FBXL17: variants seen among roughly 807,000 people sequenced by gnomAD.
The protein encoded by FBXL17 is F-box and leucine rich repeat protein 17.
In FBXL17, 22 loss-of-function variants were observed where a neutral mutation model predicts 66.2. The observed-to-expected ratio is 0.33, with a 90% CI of 0.24 to 0.47. The LOEUF (loss-of-function observed/expected upper bound fraction) is 0.47. Among genes scored for constraint, FBXL17 ranks in the 20% least tolerant of loss-of-function variants. The pLI, the probability that FBXL17 is intolerant of heterozygous loss-of-function variation, is 1.00. For missense variants in FBXL17, 878 were observed against 948.2 expected, an observed-to-expected ratio of 0.93 and a Z score of 0.97; for synonymous variants, 474 against 400.5, an observed-to-expected ratio of 1.18 and a Z score of -2.19.
chr5:107,881,693 C>T lies in FBXL17; in HGVS notation c.1823-514G>A, dbSNP rs532666335. 1.0e-3 allele frequency among the ~76,000 whole-genome samples: 157 copies of T among 152,218 alleles called. 1 individual carries two copies. Among genetic ancestry groups the T allele is most frequent in the African/African-American group, 3.5e-3 (146 of 41,532 alleles). ...GTATAAAATATTTTTCACATTAGCG[C>T]TTCTTGGGACTGTTAGGAATTAAGA... On this transcript the variant is annotated intron_variant, in intron 7 of 8. Coordinates refer to ENST00000542267, the MANE Select transcript of FBXL17 (RefSeq NM_001163315.3).
chr5:108,088,998 T>C (rs992027443), intron 6 of FBXL17, among the ~76,000 whole-genome samples: 2 of 152,224 alleles, frequency 1.3e-5, no homozygotes, highest in Non-Finnish European at 2.9e-5. Context: ...AGAATGGTGC[T>C]GCTATTCATC....
chr5:108,072,287 G>T (rs1748363767), intron 6 of FBXL17, among the ~76,000 whole-genome samples: 1 of 152,112 alleles, frequency 6.6e-6, no homozygotes, highest in Non-Finnish European at 1.5e-5. Context: ...TACCCAAAAA[G>T]CTCCTTATTA....
intron 7 of FBXL17, among the ~76,000 whole-genome samples, chr5:107,989,404 G>A (rs770061153): frequency 4.4e-4 from 67 of 152,032 alleles, no homozygotes; most frequent in Middle Eastern, 3.4e-3. Flanking sequence ...TCTGTGCCTG[G>A]TTTATTTCAC....
intron 7 of FBXL17, among the ~76,000 whole-genome samples, chr5:107,953,128 C>G (rs1437941307): frequency 1.3e-5 from 2 of 151,946 alleles, no homozygotes; most frequent in Non-Finnish European, 2.9e-5. Flanking sequence ...GTAGGCCGGG[C>G]GCTGTGGCTC....
chr5:108,090,959 C>T (rs1272790520), intron 6 of FBXL17, among the ~76,000 whole-genome samples: 1 of 152,112 alleles, frequency 6.6e-6, no homozygotes, highest in Non-Finnish European at 1.5e-5. Context: ...CTAAAATAAC[C>T]AATTATTTAA....
At chr5:108,044,489 A>C (rs891555125) in intron 6 of FBXL17, among the ~76,000 whole-genome samples, 2 of 152,148 alleles carry the variant, frequency 1.3e-5, no homozygotes, top group Non-Finnish European at 2.9e-5. Context: ...AATCCCGGGA[A>C]TAAATTCCAG....
At chr5:108,066,276 C>A (rs1170520136) in intron 6 of FBXL17, among the ~76,000 whole-genome samples, 1 of 152,036 alleles carries the variant, frequency 6.6e-6, no homozygotes, top group Admixed American at 6.6e-5. Flanking sequence ...AAAGAAAGGA[C>A]ATTTAAAATA....
At chr5:108,135,955 T>C (rs1346815960) in intron 6 of FBXL17, among the ~76,000 whole-genome samples, 2 of 152,136 alleles carry the variant, frequency 1.3e-5, no homozygotes, top group South Asian at 2.1e-4. Flanking sequence ...TAGTTTTTTA[T>C]GGGCCATGGC....
At chr5:108,149,638 C>T (rs1420280240) in intron 6 of FBXL17, among the ~76,000 whole-genome samples, 1 of 152,186 alleles carries the variant, frequency 6.6e-6, no homozygotes, top group Non-Finnish European at 1.5e-5. Flanking sequence ...GCTATCTTAA[C>T]CACCTTACAT....
chr5:108,286,444 T>A (rs1381072687), intron 4 of FBXL17, among the ~76,000 whole-genome samples: 1 of 151,898 alleles, frequency 6.6e-6, no homozygotes, highest in Non-Finnish European at 1.5e-5. Context: ...TGAGCAAAGT[T>A]TCAGGACACA....
Position 108,159,471 on chromosome 5 carries a change from C to T in FBXL17, c.1745+26646G>A, listed in dbSNP as rs372373062. ...TTGGGAAGTGATTGGTCAGAGGCAGCGTCCTTCTGAATGGAATTCACTACC... is the reference window on the plus strand; with the variant it reads ...TTGGGAAGTGATTGGTCAGAGGCAGTGTCCTTCTGAATGGAATTCACTACC... On this transcript the variant is annotated intron_variant, in intron 6 of 8. Transcript: ENST00000542267. Among the ~76,000 whole-genome samples, 4 of 152,236 alleles carry T rather than the reference C, an allele frequency of 2.6e-5. No homozygotes were observed. The East Asian group carries it at 7.7e-4, about 29-fold the overall frequency.
At chr5:108,097,102 T>C (rs560272700) in intron 6 of FBXL17, among the ~76,000 whole-genome samples, 4 of 152,262 alleles carry the variant, frequency 2.6e-5, no homozygotes, top group South Asian at 4.2e-4. Context: ...GGGCAGTTTC[T>C]CCCATGCTGT....
chr5:107,880,946 G>A, intron 8 of FBXL17, 91 bp downstream of exon 8: 1 of 1,605,638 alleles, frequency 6.2e-7, no homozygotes, highest in Non-Finnish European at 8.5e-7. Flanking sequence ...TAATACACGG[G>A]GGTGGAGATA....
At chr5:108,353,396 T>C (rs1299599074) in intron 3 of FBXL17, among the ~76,000 whole-genome samples, 2 of 152,178 alleles carry the variant, frequency 1.3e-5, no homozygotes, top group Admixed American at 6.5e-5. Flanking sequence ...TGGATAAGTC[T>C]GATAATTAAA....
At chr5:108,341,976 T>G (rs80061680) in intron 4 of FBXL17, among the ~76,000 whole-genome samples, 3,715 of 152,302 alleles carry the variant, frequency 0.024, 117 homozygotes, top group South Asian at 0.16. Flanking sequence ...TAAGAATAAC[T>G]ATTTTTGCAA....
chr5:107,870,097 C>CTTTA (rs1748396334), intron 8 of FBXL17, among the ~76,000 whole-genome samples: 1 of 152,056 alleles, frequency 6.6e-6, no homozygotes, highest in Non-Finnish European at 1.5e-5. Flanking sequence ...GGAGAGGGAG[C>CTTTA]CAGGCATCAA....
intron 7 of FBXL17, among the ~76,000 whole-genome samples, chr5:108,007,323 T>G (rs1753966284): frequency 6.6e-6 from 1 of 152,148 alleles, no homozygotes. Context: ...GAAACCTGCC[T>G]GGCACACAAC....
At chr5:108,013,537 C>T (rs1448448371) in intron 7 of FBXL17, among the ~76,000 whole-genome samples, 1 of 152,162 alleles carries the variant, frequency 6.6e-6, no homozygotes, top group Admixed American at 6.5e-5. Context: ...CCAAATATTG[C>T]AGTCTATGAT....
intron 8 of FBXL17, among the ~76,000 whole-genome samples, chr5:107,876,507 G>A (rs1748618324): frequency 6.6e-6 from 1 of 152,094 alleles, no homozygotes; most frequent in African/African-American, 2.4e-5. Flanking sequence ...CCAAACTTCT[G>A]TATTAACACA....
Sources: gnomAD v4.1 joint callset for allele counts (sites outside exome capture counted in the v4.1 genomes callset) on GRCh38, gnomAD v4.1.1 for gene constraint, MANE v1.5 for transcripts, NCBI Gene and HGNC (gene_info 2026-07-23, HGNC 2026-07-21) for gene names.